The following TMEM178A variants were observed in gnomAD, a reference collection of about 807,000 sequenced individuals.
The protein encoded by TMEM178A is transmembrane protein 178.
In TMEM178A, 12 loss-of-function variants were observed where a neutral mutation model predicts 29.1. The ratio of observed to expected loss-of-function variants is 0.41; its 90% CI spans 0.26 to 0.67. The LOEUF (loss-of-function observed/expected upper bound fraction) is 0.67. TMEM178A is among the 30% of genes least tolerant of loss of function. The pLI, the probability that TMEM178A is intolerant of heterozygous loss-of-function variation, is 0.29. For synonymous variants in TMEM178A, 210 were observed against 187.2 expected, an observed-to-expected ratio of 1.12 and a Z score of -0.99; for missense variants, 366 against 419.1, an observed-to-expected ratio of 0.87 and a Z score of 1.11.
At position 39,689,857 on chromosome 2, in the gene TMEM178A, G is replaced by GA. The variant is rs986723986; in HGVS notation, c.401-14216dup. Among the ~76,000 whole-genome samples, 7 of 152,024 alleles carry GA rather than the reference G, an allele frequency of 4.6e-5. No individual in the cohort carries two copies. In the South Asian group the frequency reaches 1.0e-3, roughly 23 times the overall value. On this transcript the variant is annotated intron_variant, in intron 1 of 3. Coordinates refer to ENST00000281961, the MANE Select transcript of TMEM178A (RefSeq NM_152390.3). ...GGAGAGATTCTAGAACCCCATTTGA[G>GA]AAAAAAAATCTGAGAATAGATACCT...
intron 3 of TMEM178A, among the ~76,000 whole-genome samples, chr2:39,716,295 C>T (rs1672532488): frequency 6.6e-6 from 1 of 152,106 alleles, no homozygotes; most frequent in Non-Finnish European, 1.5e-5. Flanking sequence ...AAAATCAGTC[C>T]TGATTTTAGT....
At chr2:39,710,212 C>A (rs781466871) in intron 3 of TMEM178A, among the ~76,000 whole-genome samples, 48 of 152,234 alleles carry the variant, frequency 3.2e-4, no homozygotes, top group Admixed American at 1.2e-3. Flanking sequence ...ACCACCACCA[C>A]CAACAAAAAC....
At position 39,685,595 on chromosome 2, in the gene TMEM178A, T is replaced by C. The variant is rs549360405; in HGVS notation, c.401-18486T>C. 2.4e-4 allele frequency among the ~76,000 whole-genome samples: 36 copies of C among 152,284 alleles called. 1 individual carries two copies. The South Asian group carries it at 6.6e-3, about 28-fold the overall frequency. On this transcript the variant is annotated intron_variant, in intron 1 of 3. Transcript: ENST00000281961. The stretch of plus-strand genomic sequence containing the variant: ...GGTGAGGCTCTTCAGTAAATCGGGC[T>C]AGATAAGACTAGTTAAGTTAGATGT...
the TMEM178A span, among the ~76,000 whole-genome samples, chr2:39,727,287 C>G: frequency 6.6e-6 from 1 of 152,184 alleles, no homozygotes; most frequent in Non-Finnish European, 1.5e-5. Context: ...AGCAAGTACT[C>G]ACTAACTGCC....
At chr2:39,734,973 G>T in the TMEM178A span, among the ~76,000 whole-genome samples, 129 of 152,124 alleles carry the variant, frequency 8.5e-4, no homozygotes, top group Non-Finnish European at 1.5e-3. Flanking sequence ...ATTTTCTTTT[G>T]CCTGAATCAT....
chr2:39,683,582 T>G (rs1670956376), intron 1 of TMEM178A, among the ~76,000 whole-genome samples: 1 of 152,160 alleles, frequency 6.6e-6, no homozygotes, highest in Non-Finnish European at 1.5e-5. Flanking sequence ...TAATTTCACC[T>G]AAGATTGGGT....
At chr2:39,669,783 A>C (rs1416233623) in intron 1 of TMEM178A, among the ~76,000 whole-genome samples, 1 of 152,240 alleles carries the variant, frequency 6.6e-6, no homozygotes, top group African/African-American at 2.4e-5. Context: ...TGACCAATCC[A>C]CATTTCACTA....
At chr2:39,716,858 G>A in intron 3 of TMEM178A, 152 bp from the exon 4 acceptor site, 8 of 1,000,302 alleles carry the variant, frequency 8.0e-6, no homozygotes, top group Non-Finnish European at 1.0e-5. Flanking sequence ...TTTGTTATAT[G>A]AATTAATTCA....
At chr2:39,714,601 AG>A (rs949203205) in intron 3 of TMEM178A, among the ~76,000 whole-genome samples, 2 of 152,332 alleles carry the variant, frequency 1.3e-5, no homozygotes, top group Admixed American at 1.3e-4. Context: ...AGTGTCCATG[AG>A]GTAAGCACAA....
chr2:39,695,020 C>T (rs370122044), intron 1 of TMEM178A, among the ~76,000 whole-genome samples: 10 of 152,286 alleles, frequency 6.6e-5, no homozygotes, highest in African/African-American at 2.4e-4. Context: ...ACAAGGTTAA[C>T]TGTTTATACC....
the TMEM178A span, among the ~76,000 whole-genome samples, chr2:39,727,573 T>G: frequency 1.3e-5 from 2 of 152,218 alleles, no homozygotes; most frequent in African/African-American, 4.8e-5. Flanking sequence ...AGCTTTTTTA[T>G]TTTTTAATTA....
At chr2:39,681,116 C>T (rs1009794549) in intron 1 of TMEM178A, among the ~76,000 whole-genome samples, 1 of 152,134 alleles carries the variant, frequency 6.6e-6, no homozygotes, top group Non-Finnish European at 1.5e-5. Context: ...TTCTGTGACC[C>T]CCAATTTCCT....
At chr2:39,724,615 A>G in the TMEM178A span, among the ~76,000 whole-genome samples, 2 of 152,126 alleles carry the variant, frequency 1.3e-5, no homozygotes, top group African/African-American at 4.8e-5. Context: ...TTCATTTCGT[A>G]TTTTCCCTTT....
the TMEM178A span, among the ~76,000 whole-genome samples, chr2:39,735,885 G>A: frequency 7.2e-5 from 11 of 152,294 alleles, no homozygotes; most frequent in East Asian, 1.4e-3. Flanking sequence ...TGATACCAGG[G>A]GCCCAGGTTT....
the TMEM178A span, among the ~76,000 whole-genome samples, chr2:39,729,976 ATAAAT>A: frequency 6.6e-6 from 1 of 152,078 alleles, no homozygotes; most frequent in Non-Finnish European, 1.5e-5. Flanking sequence ...AGCTCCCAAA[ATAAAT>A]TATCTCCAAA....
chr2:39,672,962 G>A (rs1322450858), intron 1 of TMEM178A, among the ~76,000 whole-genome samples: 1 of 152,212 alleles, frequency 6.6e-6, no homozygotes, highest in African/African-American at 2.4e-5. Context: ...AACATTGAAG[G>A]AATTGAGGTG....
chr2:39,703,957 G>T, intron 1 of TMEM178A, 124 bp from the exon 2 acceptor site: 1 of 678,238 alleles, frequency 1.5e-6, no homozygotes, highest in South Asian at 1.9e-5. Flanking sequence ...TTATTGCTCT[G>T]AATCAAGAGA....
chr2:39,719,472 G>A (rs1023788918), downstream of TMEM178A, among the ~76,000 whole-genome samples: 3 of 152,194 alleles, frequency 2.0e-5, no homozygotes, highest in Non-Finnish European at 4.4e-5. Context: ...GAGGCTCCCT[G>A]CCTTCCAGCC....
At chr2:39,724,592 G>GA in the TMEM178A span, among the ~76,000 whole-genome samples, 2 of 152,112 alleles carry the variant, frequency 1.3e-5, no homozygotes, top group Admixed American at 1.3e-4. Flanking sequence ...ATATCTCAAG[G>GA]AAAGTACAGT....
Sources: gnomAD v4.1 joint callset for allele counts (sites outside exome capture counted in the v4.1 genomes callset) on GRCh38, gnomAD v4.1.1 for gene constraint, MANE v1.5 for transcripts, NCBI Gene and HGNC (gene_info 2026-07-23, HGNC 2026-07-21) for gene names.